ROBO1: variants seen among roughly 807,000 people sequenced by gnomAD.
ROBO1 encodes the protein roundabout guidance receptor 1.
ROBO1 carries 149 observed loss-of-function variants against 195.9 expected under a neutral mutation model. The observed-to-expected ratio is 0.76, with a 90% confidence interval of 0.67 to 0.87. The LOEUF is 0.87. ROBO1 is among the 40% of genes least tolerant of loss of function. The probability of loss-of-function intolerance (pLI) is 0.00; values close to 1 mark genes in which losing one functional copy is unlikely to be tolerated. For synonymous variants in ROBO1, 816 were observed against 733.2 expected (o/e 1.11, Z -1.82); for missense variants, 1,933 against 2,068.3 (o/e 0.93, Z 1.27).
rs2081993642 is a variant in ROBO1 at position 79,213,016 on chromosome 3, C to T, written c.89-87477G>A. 2.6e-5 allele frequency among the ~76,000 whole-genome samples: 4 copies of T among 152,008 alleles called. No homozygotes were observed. In the South Asian group the frequency reaches 8.3e-4, roughly 32 times the overall value. On this transcript the variant is annotated intron_variant, in intron 2 of 30. Coordinates refer to ENST00000464233, the MANE Select transcript of ROBO1 (RefSeq NM_002941.4). ...ATGTCTATGACTTGGGAGGCTGAGG[C>T]AGGTGGATCACAAGCTCAGGGGTTC...
At chr3:78,611,533 A>C (rs1349221181) in intron 28 of ROBO1, among the ~76,000 whole-genome samples, 1 of 152,230 alleles carries the variant, frequency 6.6e-6, no homozygotes, top group Non-Finnish European at 1.5e-5. Flanking sequence ...ACCGCCTGTC[A>C]GTGTGACTGT....
intron 29 of ROBO1, 99 bp from the exon 30 acceptor site, chr3:78,600,408 A>G: frequency 1.3e-6 from 1 of 782,676 alleles, no homozygotes; most frequent in Non-Finnish European, 2.1e-6. Context: ...ATAAGGAAGC[A>G]TCAGTGATTT....
chr3:79,302,400 T>C (rs1022076119), intron 2 of ROBO1, among the ~76,000 whole-genome samples: 1 of 152,322 alleles, frequency 6.6e-6, no homozygotes, highest in African/African-American at 2.4e-5. Context: ...TCCATGATGA[T>C]TTTAGGGATA....
At chr3:78,907,488 G>A (rs889080155) in intron 4 of ROBO1, among the ~76,000 whole-genome samples, 1 of 152,008 alleles carries the variant, frequency 6.6e-6, no homozygotes, top group Non-Finnish European at 1.5e-5. Flanking sequence ...TCTGACTCAG[G>A]GATGTACAGT....
intron 1 of ROBO1, among the ~76,000 whole-genome samples, chr3:79,682,700 T>A (rs929460399): frequency 5.3e-5 from 8 of 152,064 alleles, no homozygotes; most frequent in Non-Finnish European, 1.0e-4. Flanking sequence ...TAGATGGCTC[T>A]AAATAATAGA....
At chr3:79,602,144 T>G (rs1944358012) in intron 1 of ROBO1, among the ~76,000 whole-genome samples, 1 of 151,984 alleles carries the variant, frequency 6.6e-6, no homozygotes, top group Non-Finnish European at 1.5e-5. Context: ...TCCCTTATGT[T>G]GGGTTAGTTT....
At chr3:79,616,114 T>A (rs1281012976) in intron 1 of ROBO1, among the ~76,000 whole-genome samples, 1 of 152,154 alleles carries the variant, frequency 6.6e-6, no homozygotes, top group Non-Finnish European at 1.5e-5. Context: ...GCACTACTTT[T>A]GGCAGTGATT....
intron 3 of ROBO1, among the ~76,000 whole-genome samples, chr3:79,063,780 G>C (rs1466700456): frequency 6.6e-6 from 1 of 151,862 alleles, no homozygotes; most frequent in Non-Finnish European, 1.5e-5. Flanking sequence ...GCTTTGATGG[G>C]AGTGTTAATT....
At chr3:79,206,291 G>C (rs1446263287) in intron 2 of ROBO1, among the ~76,000 whole-genome samples, 1 of 152,058 alleles carries the variant, frequency 6.6e-6, no homozygotes, top group Non-Finnish European at 1.5e-5. Context: ...ATAAAAATAA[G>C]GCTCTATTTG....
chr3:79,718,002 C>T (rs1702556455), intron 1 of ROBO1, among the ~76,000 whole-genome samples: 1 of 151,524 alleles, frequency 6.6e-6, no homozygotes, highest in Non-Finnish European at 1.5e-5. Flanking sequence ...CAGAAAGAGG[C>T]AAAGGAACAA....
At chr3:79,570,109 C>CA (rs1480076218) in intron 2 of ROBO1, among the ~76,000 whole-genome samples, 1 of 151,534 alleles carries the variant, frequency 6.6e-6, no homozygotes. Flanking sequence ...TAAACACAAA[C>CA]AAAAAAACAA....
intron 14 of ROBO1, among the ~76,000 whole-genome samples, chr3:78,664,268 C>T (rs1707607461): frequency 6.6e-6 from 1 of 152,196 alleles, no homozygotes; most frequent in Non-Finnish European, 1.5e-5. Context: ...CAAACTGTTT[C>T]CCCCAACGTT....
chr3:78,900,129 G>A (rs2107463457), intron 4 of ROBO1, among the ~76,000 whole-genome samples: 1 of 152,042 alleles, frequency 6.6e-6, no homozygotes, highest in East Asian at 1.9e-4. Context: ...GGTAATTCAG[G>A]GTTCAACCAC....
Position 78,685,783 on chromosome 3 carries a change from T to C in ROBO1, c.1305A>G (p.Gly435=). ...YYICQTLNVA[G]SIITKAYLEV... Reference sequence around the variant, plus strand: ...CCAAATATGCCTTTGTGATGATGCTTCCAGCAACATTTAAAGTCTGGCAGA... The same window carrying C: ...CCAAATATGCCTTTGTGATGATGCTCCCAGCAACATTTAAAGTCTGGCAGA... The change falls in exon 10 of 31, where the codon GGA becomes GGG. Residue 435 remains glycine (G), a synonymous_variant. Coordinates refer to ENST00000464233, the MANE Select transcript of ROBO1 (RefSeq NM_002941.4). The C allele has an allele frequency of 6.2e-7, 1 of 1,611,704 alleles. No individual in the cohort carries two copies. Among genetic ancestry groups the C allele is most frequent in the Non-Finnish European group, 8.5e-7 (1 of 1,178,356 alleles).
At chr3:78,789,887 T>C (rs1055516394) in intron 4 of ROBO1, among the ~76,000 whole-genome samples, 1 of 152,214 alleles carries the variant, frequency 6.6e-6, no homozygotes, top group African/African-American at 2.4e-5. Context: ...TGAATCAGAA[T>C]TTGGATAATT....
At chr3:79,616,252 C>A (rs2107948594) in intron 1 of ROBO1, among the ~76,000 whole-genome samples, 1 of 152,280 alleles carries the variant, frequency 6.6e-6, no homozygotes, top group Middle Eastern at 3.4e-3. Context: ...AGTTGTGGGC[C>A]ATTAACATGC....
intron 2 of ROBO1, among the ~76,000 whole-genome samples, chr3:79,496,169 C>T (rs1939720542): frequency 7.9e-6 from 1 of 126,044 alleles, no homozygotes; most frequent in Non-Finnish European, 1.6e-5. Context: ...GCCAAGATCA[C>T]ACCAATGCAC....
At chr3:79,643,324 C>T (rs1301731459) in intron 1 of ROBO1, among the ~76,000 whole-genome samples, 1 of 152,120 alleles carries the variant, frequency 6.6e-6, no homozygotes, top group Non-Finnish European at 1.5e-5. Context: ...GGACTGGCTT[C>T]CTTGTTCCTC....
intron 3 of ROBO1, among the ~76,000 whole-genome samples, chr3:79,038,677 A>G (rs1033487267): frequency 4.3e-4 from 66 of 151,922 alleles, no homozygotes; most frequent in African/African-American, 1.5e-3. Flanking sequence ...GTCAAAAATA[A>G]TCTATGAAAC....
Sources: gnomAD v4.1 joint callset for allele counts (sites outside exome capture counted in the v4.1 genomes callset) on GRCh38, gnomAD v4.1.1 for gene constraint, MANE v1.5 for transcripts, NCBI Gene and HGNC (gene_info 2026-07-23, HGNC 2026-07-21) for gene names.